GRM1: variants seen among roughly 807,000 people sequenced by gnomAD.
The protein encoded by GRM1 is glutamate metabotropic receptor 1.
GRM1 carries 33 observed loss-of-function variants against 90.9 expected under a neutral mutation model. The observed-to-expected ratio is 0.36, with a 90% CI of 0.28 to 0.49. The LOEUF (loss-of-function observed/expected upper bound fraction) is 0.49, where lower values mean the gene tolerates loss of function less well. Ranked by LOEUF, GRM1 falls within the 20% of genes least tolerant of loss-of-function variation. The probability of loss-of-function intolerance (pLI) is 0.99; values close to 1 mark genes in which losing one functional copy is unlikely to be tolerated. For missense variants in GRM1, 1,190 were observed against 1,534.3 expected, an observed-to-expected ratio of 0.78 and a Z score of 3.75; for synonymous variants, 700 against 613.2, an observed-to-expected ratio of 1.14 and a Z score of -2.09.
rs945100260 is a variant in GRM1, at chr6:146,396,305, A to G, written c.1730-2464A>G. Among the ~76,000 whole-genome samples, 6 of 152,320 alleles carry G rather than the reference A, an allele frequency of 3.9e-5. No homozygotes were observed. The South Asian group carries it at 6.2e-4, about 16-fold the overall frequency. ...TTCTGTCAAAAGTGTGTGCTTGCCA[A>G]TGGTGTCTTAGATTCCCAAAGCAAA... On this transcript the variant is annotated intron_variant, in intron 6 of 7. Transcript: ENST00000282753.
At chr6:146,138,624 AATTT>A in intron 1 of GRM1, among the ~76,000 whole-genome samples, 3 of 151,944 alleles carry the variant, frequency 2.0e-5, no homozygotes, top group African/African-American at 7.2e-5. Flanking sequence ...TGTGTCTAGG[AATTT>A]ATTTATTTCT....
chr6:146,154,679 A>G (rs1777458477), intron 1 of GRM1, among the ~76,000 whole-genome samples: 1 of 152,186 alleles, frequency 6.6e-6, no homozygotes, highest in Admixed American at 6.5e-5. Flanking sequence ...ACAGATGTTG[A>G]CATTGAAGTC....
chr6:146,336,108 T>A (rs1466070051), intron 3 of GRM1, among the ~76,000 whole-genome samples: 1 of 152,206 alleles, frequency 6.6e-6, no homozygotes, highest in Non-Finnish European at 1.5e-5. Context: ...TGGGTATGTC[T>A]CTATAGGAGC....
At position 146,159,474 on chromosome 6, in the gene GRM1, A is replaced by T; in HGVS notation, c.827A>T (p.Lys276Ile). 1 of 1,614,204 alleles carries T rather than the reference A, an allele frequency of 6.2e-7. No homozygotes were observed. The highest frequency in any genetic ancestry group is 8.5e-7 in the Non-Finnish European group (1 of 1,180,018). Residue 276 changes from lysine (K) to isoleucine (I), a missense_variant, in exon 2 of 8, where the codon AAA (lysine) becomes ATA (isoleucine). By Grantham distance (102) the Lys-to-Ile change is moderately radical. Around this residue, in one of 10 missense-constraint regions of GRM1, gnomAD observed 45 missense variants for 45.5 expected, o/e 0.99. Transcript: ENST00000282753. ...GEKSFDRLLRKLRERLPKARV... is the reference protein window; with the variant it reads ...GEKSFDRLLRILRERLPKARV... The stretch of plus-strand genomic sequence containing the variant: ...AAGAGCTTTGACCGACTCTTGCGCA[A>T]ACTCCGAGAGAGGCTTCCCAAGGCT...
At chr6:146,134,237 C>CTT (rs1209872347) in intron 1 of GRM1, among the ~76,000 whole-genome samples, 2 of 152,180 alleles carry the variant, frequency 1.3e-5, no homozygotes, top group African/African-American at 2.4e-5. Flanking sequence ...CATAAGGAAC[C>CTT]TTTCTGAGCC....
chr6:146,207,192 G>A (rs1779524723), intron 2 of GRM1, among the ~76,000 whole-genome samples: 1 of 152,066 alleles, frequency 6.6e-6, no homozygotes, highest in Admixed American at 6.5e-5. Context: ...GGGGTTGCTG[G>A]GTCAAATGGT....
intron 2 of GRM1, among the ~76,000 whole-genome samples, chr6:146,231,004 G>C (rs915165264): frequency 1.3e-5 from 2 of 152,114 alleles, no homozygotes; most frequent in African/African-American, 2.4e-5. Flanking sequence ...AGGGTTGAAG[G>C]CAGGGAGGGA....
intron 2 of GRM1, among the ~76,000 whole-genome samples, chr6:146,239,903 A>G (rs1353128544): frequency 6.6e-6 from 1 of 152,098 alleles, no homozygotes; most frequent in Non-Finnish European, 1.5e-5. Flanking sequence ...GTGGTGGAGA[A>G]AATGGCCGCA....
intron 1 of GRM1, among the ~76,000 whole-genome samples, chr6:146,120,360 A>G (rs1222113775): frequency 1.3e-5 from 2 of 152,136 alleles, no homozygotes; most frequent in Admixed American, 1.3e-4. Flanking sequence ...GGTTTTCTAG[A>G]TATACAATCA....
chr6:146,249,430 G>A (rs1781193691), intron 2 of GRM1, among the ~76,000 whole-genome samples: 1 of 152,126 alleles, frequency 6.6e-6, no homozygotes, highest in African/African-American at 2.4e-5. Context: ...TCAAACAGTG[G>A]CTAAAAGGGG....
At position 146,359,544 on chromosome 6, in the gene GRM1, C is replaced by G. The variant is rs531854905; in HGVS notation, c.1602+1850C>G. On this transcript the variant is annotated intron_variant, in intron 5 of 7. Coordinates refer to ENST00000282753, the MANE Select transcript of GRM1 (RefSeq NM_001278064.2). ...TATATATGGAAAAAATAAAACCTGGCAGGAGAAAACAAATTGTTGCAAGGA... is the reference window on the plus strand; with the variant it reads ...TATATATGGAAAAAATAAAACCTGGGAGGAGAAAACAAATTGTTGCAAGGA... Among the ~76,000 whole-genome samples, 3 of 152,278 alleles carry G rather than the reference C, an allele frequency of 2.0e-5. No individual in the cohort carries two copies. The South Asian group carries it at 6.2e-4, about 32-fold the overall frequency.
intron 4 of GRM1, among the ~76,000 whole-genome samples, chr6:146,356,467 G>A (rs1000741855): frequency 2.6e-5 from 4 of 152,078 alleles, no homozygotes; most frequent in African/African-American, 9.7e-5. Flanking sequence ...TCTCATTCAT[G>A]AGAACTTTGT....
At position 146,243,858 on chromosome 6, in the gene GRM1, A is replaced by G. The variant is rs536762862; in HGVS notation, c.951-60753A>G. Among the ~76,000 whole-genome samples, 7 of 152,292 alleles carry G rather than the reference A, an allele frequency of 4.6e-5. No individual in the cohort carries two copies. In the South Asian group the frequency reaches 1.0e-3, roughly 23 times the overall value. ...TATTTCATCCCTTATCTACATCCGT[A>G]TAAGACAGACATTCCCAGAGCAGCC... On this transcript the variant is annotated intron_variant, in intron 2 of 7. Transcript: ENST00000282753.
At chr6:146,121,143 A>T (rs1468203761) in intron 1 of GRM1, among the ~76,000 whole-genome samples, 1 of 152,192 alleles carries the variant, frequency 6.6e-6, no homozygotes, top group African/African-American at 2.4e-5. Context: ...CAGAGGTTCA[A>T]CTTCTTCCTG....
intron 2 of GRM1, among the ~76,000 whole-genome samples, chr6:146,251,513 G>T (rs1299134288): frequency 2.6e-5 from 4 of 152,150 alleles, no homozygotes; most frequent in African/African-American, 9.7e-5. Context: ...AATATTAGAA[G>T]TGAGGGGCAG....
intron 2 of GRM1, among the ~76,000 whole-genome samples, chr6:146,295,886 C>T (rs1005083147): frequency 7.2e-5 from 11 of 152,214 alleles, no homozygotes; most frequent in Admixed American, 6.5e-4. Flanking sequence ...CCATCCTTCA[C>T]CCTCAAGGGG....
intron 3 of GRM1, among the ~76,000 whole-genome samples, chr6:146,342,303 C>A (rs1326559380): frequency 6.6e-6 from 1 of 152,202 alleles, no homozygotes; most frequent in Non-Finnish European, 1.5e-5. Context: ...ATCATGGCAA[C>A]ATTACATGTG....
intron 7 of GRM1, among the ~76,000 whole-genome samples, chr6:146,418,063 C>T (rs1777849758): frequency 6.6e-6 from 1 of 152,062 alleles, no homozygotes; most frequent in South Asian, 2.1e-4. Flanking sequence ...GTATTTACAA[C>T]ATGAAAAGTA....
In GRM1 at chr6:146,290,866, G is replaced by T. The variant is rs183542682; in HGVS notation, c.951-13745G>T. ...ATGAGATTTTGGACTTTGAGTTGATGCTGTAATGGGTTGAGACTTTTGGGG... is the reference window on the plus strand; with the variant it reads ...ATGAGATTTTGGACTTTGAGTTGATTCTGTAATGGGTTGAGACTTTTGGGG... On this transcript the variant is annotated intron_variant, in intron 2 of 7. Transcript: ENST00000282753. 5.2e-3 allele frequency among the ~76,000 whole-genome samples: 788 copies of T among 152,208 alleles called. 2 individuals carry two copies. Among genetic ancestry groups the T allele is most frequent in the Non-Finnish European group, 8.0e-3 (545 of 67,974 alleles).
Sources: allele counts gnomAD v4.1 joint callset (sites outside exome capture counted in the v4.1 genomes callset), GRCh38; gene constraint gnomAD v4.1.1; regional missense constraint gnomAD v4.1.1; transcripts MANE v1.5; gene names NCBI Gene and HGNC (gene_info 2026-07-23, HGNC 2026-07-21).